Variants in CHAF1A observed in about 807,000 individuals in gnomAD.
CHAF1A encodes CAF-1 subunit A.
In CHAF1A, 5 loss-of-function variants were observed where a neutral mutation model predicts 93.2. That is an observed-to-expected ratio of 0.05 (90% CI 0.03 to 0.11). CHAF1A has a LOEUF of 0.11. Ranked by LOEUF, CHAF1A falls within the 10% of genes least tolerant of loss-of-function variation. The pLI is 1.00. For missense variants in CHAF1A, 1,102 were observed against 1,259.9 expected (o/e 0.87, Z 1.90); for synonymous variants, 504 against 510.3 (o/e 0.99, Z 0.17).
chr19:4,429,819 C>CA (rs1258955101), intron 10 of CHAF1A, 31 bp downstream of exon 10: 1 of 1,571,966 alleles, frequency 6.4e-7, no homozygotes, highest in Non-Finnish European at 8.7e-7. Flanking sequence ...TCTTCACTCA[C>CA]AGACGGCTTG....
In CHAF1A at chr19:4,408,808, C is replaced by G. The variant is rs988357165; in HGVS notation, c.104-95C>G. On this transcript the variant is annotated intron_variant, in intron 2 of 14. Coordinates refer to ENST00000301280, the MANE Select transcript of CHAF1A (RefSeq NM_005483.3). Reference sequence around the variant, plus strand: ...CCTTTTTAAACTTTAAAATTATCTCCCACCCCCATGTCCCAACAAATCAGT... The same window carrying G: ...CCTTTTTAAACTTTAAAATTATCTCGCACCCCCATGTCCCAACAAATCAGT... The G allele has an allele frequency of 1.1e-5, 16 of 1,446,170 alleles. No homozygotes were observed. In the African/African-American group the frequency reaches 1.3e-4, roughly 12 times the overall value. The allele number at this position is 1,446,170 out of a possible 1,614,324, so 89.6% of individuals were successfully genotyped here. A position where few individuals can be genotyped will look rare whatever the true frequency, so the allele number is the denominator to read the frequency against.
At chr19:4,407,591 A>AATGTCTCTTGAAATTCTGGCG (rs1973703733) in intron 2 of CHAF1A, among the ~76,000 whole-genome samples, 1 of 152,166 alleles carries the variant, frequency 6.6e-6, no homozygotes, top group Non-Finnish European at 1.5e-5. Context: ...GAAATAAACA[A>AATGTCTCTTGAAATTCTGGCG]ATGTCTCTTG....
chr19:4,415,633 G>A (rs997446145), intron 3 of CHAF1A, among the ~76,000 whole-genome samples: 2 of 152,050 alleles, frequency 1.3e-5, no homozygotes, highest in African/African-American at 4.8e-5. Context: ...TGGTGAGGCT[G>A]CCTCGGGCTG....
At chr19:4,438,810 G>A (rs1201334550) in intron 13 of CHAF1A, among the ~76,000 whole-genome samples, 6 of 151,996 alleles carry the variant, frequency 3.9e-5, no homozygotes, top group African/African-American at 1.5e-4. Flanking sequence ...GGTGAAACCC[G>A]TCTCTACTAA....
At chr19:4,428,165 T>C (rs1008142327) in intron 7 of CHAF1A, among the ~76,000 whole-genome samples, 1 of 150,062 alleles carries the variant, frequency 6.7e-6, no homozygotes, top group African/African-American at 2.5e-5. Context: ...GCCTAATTTT[T>C]GTTTTTAGTA....
downstream of CHAF1A, chr19:4,448,832 C>T (rs558771328): frequency 1.4e-5 from 3 of 210,754 alleles, no homozygotes; most frequent in South Asian, 2.1e-4. Flanking sequence ...GATGGACGTT[C>T]TGGAACCACT....
downstream of CHAF1A, chr19:4,445,777 C>T: frequency 7.8e-7 from 1 of 1,281,690 alleles, no homozygotes; most frequent in Non-Finnish European, 1.1e-6. Context: ...CTGCCCTCTC[C>T]CTCCGGGACT....
At chr19:4,421,817 G>A (rs533665349) in intron 4 of CHAF1A, among the ~76,000 whole-genome samples, 1 of 152,006 alleles carries the variant, frequency 6.6e-6, no homozygotes, top group African/African-American at 2.4e-5. Flanking sequence ...TTGACTGGAG[G>A]CTCCTCCTGG....
chr19:4,449,681 G>A (rs1344418151), downstream of CHAF1A: 2 of 152,278 alleles, frequency 1.3e-5, no homozygotes, highest in African/African-American at 2.4e-5. Flanking sequence ...TACATGCACA[G>A]ACAAGGGACG....
intron 12 of CHAF1A, among the ~76,000 whole-genome samples, chr19:4,432,558 C>A (rs1974204360): frequency 6.6e-6 from 1 of 151,934 alleles, no homozygotes; most frequent in Non-Finnish European, 1.5e-5. Flanking sequence ...CCTAGTGCTT[C>A]GACACCAGCC....
At chr19:4,435,138 T>C (rs1465996325) in intron 13 of CHAF1A, among the ~76,000 whole-genome samples, 1 of 134,434 alleles carries the variant, frequency 7.4e-6, no homozygotes, top group African/African-American at 2.9e-5. Flanking sequence ...TTGCCCGGGC[T>C]GGAGTGCAGT....
In CHAF1A at chr19:4,433,369, G is replaced by A; in HGVS notation, c.2503G>A (p.Val835Met). 1.9e-6 allele frequency: 3 copies of A among 1,613,078 alleles called. No homozygotes were observed. The highest frequency in any genetic ancestry group is 2.5e-6 in the Non-Finnish European group (3 of 1,179,152). Residue 835 changes from valine (V) to methionine (M), a missense_variant, in exon 13 of 15, where the codon GTG (valine) becomes ATG (methionine). Physicochemically the swap from Val to Met is conservative, Grantham distance 21 (BLOSUM62 1). Transcript: ENST00000301280. This position sits in a 1 kb window ranked among gnomAD's most constrained non-coding sequence, Gnocchi z 5.6. Reference sequence around the variant, plus strand: ...GAGCTTCCAGCAGGAGCACCTGCCCGTGCCGTGCCAGTGGAGCTATGTGAC... The same window carrying A: ...GAGCTTCCAGCAGGAGCACCTGCCCATGCCGTGCCAGTGGAGCTATGTGAC... ...LQSFQQEHLP[V>M]PCQWSYVTSV...
chr19:4,431,982 C>A lies in CHAF1A; in HGVS notation c.1978C>A (p.Arg660Ser). The change falls in exon 12 of 15, where the codon CGC (arginine) becomes AGC (serine). Residue 660 changes from arginine to serine, a missense_variant. Physicochemically the swap from Arg to Ser is moderately radical, Grantham distance 110 (BLOSUM62 -1). Transcript: ENST00000301280. ...ECADPENHKV[R>S]QKLKAKEWDE... Reference sequence around the variant, plus strand: ...TGCCGACCCTGAGAACCATAAGGTCCGCCAGAAACTGAAGGCCAAGGAGTG... The same window carrying A: ...TGCCGACCCTGAGAACCATAAGGTCAGCCAGAAACTGAAGGCCAAGGAGTG... The A allele has an allele frequency of 6.2e-7, 1 of 1,612,516 alleles. No individual in the cohort carries two copies. The highest frequency in any genetic ancestry group is 1.1e-5 in the South Asian group (1 of 91,048).
At chr19:4,445,510 C>T, downstream of CHAF1A, 3 of 1,613,934 alleles carry the variant, frequency 1.9e-6, no homozygotes, top group South Asian at 3.3e-5. Flanking sequence ...ACAAGAGCTT[C>T]TCGATGGCTG....
rs537974836 is a variant in CHAF1A at position 4,432,173 on chromosome 19, C to T, written c.2169C>T (p.Pro723=). The change falls in exon 12 of 15, where the codon CCC becomes CCT. Residue 723 remains proline (P), a synonymous_variant. Coordinates refer to ENST00000301280, the MANE Select transcript of CHAF1A (RefSeq NM_005483.3). ...ETLPAQEEQT[P]KASKRERRDE... is the part of the protein sequence containing the mutation. ...TGCCGGCCCAGGAGGAGCAGACGCCCAAGGCCTCCAAGCGGGAGAGGAGAG... is the reference window on the plus strand; with the variant it reads ...TGCCGGCCCAGGAGGAGCAGACGCCTAAGGCCTCCAAGCGGGAGAGGAGAG... The T allele has an allele frequency of 9.1e-5, 147 of 1,611,182 alleles. 1 individual carries two copies. The South Asian group carries it at 1.6e-3, about 17-fold the overall frequency.
intron 1 of CHAF1A, among the ~76,000 whole-genome samples, chr19:4,403,230 A>G (rs1973618383): frequency 7.5e-6 from 1 of 132,734 alleles, no homozygotes; most frequent in Admixed American, 8.2e-5. Context: ...CTCGGGGACC[A>G]GTACCGATGC....
At position 4,411,026 on chromosome 19, in the gene CHAF1A, T is replaced by C. The variant is rs1191053728; in HGVS notation, c.960+1267T>C. 1.3e-5 allele frequency among the ~76,000 whole-genome samples: 2 copies of C among 152,308 alleles called. 1 individual carries two copies. The highest frequency in any genetic ancestry group is 3.9e-4 in the East Asian group (2 of 5,188). ...TTTTATAATTTTTTACTTTTTATCTTAAGTATGTAGAACCAGAAGAGACAG... is the reference window on the plus strand; with the variant it reads ...TTTTATAATTTTTTACTTTTTATCTCAAGTATGTAGAACCAGAAGAGACAG... On this transcript the variant is annotated intron_variant, in intron 3 of 14. Transcript: ENST00000301280.
At chr19:4,438,069 G>C (rs1233198309) in intron 13 of CHAF1A, among the ~76,000 whole-genome samples, 1 of 152,058 alleles carries the variant, frequency 6.6e-6, no homozygotes, top group Non-Finnish European at 1.5e-5. Flanking sequence ...TTAGAAACAG[G>C]GTCTTGCCCT....
At chr19:4,419,029 A>ATTTTTTTTTTTTTTT (rs11406470) in intron 4 of CHAF1A, among the ~76,000 whole-genome samples, 3 of 96,472 alleles carry the variant, frequency 3.1e-5, no homozygotes, top group East Asian at 3.1e-4. Context: ...TAGCCAGCTA[A>ATTTTTTTTTTTTTTT]TTTTTTTTTT....
Sources: allele counts gnomAD v4.1 joint callset (sites outside exome capture counted in the v4.1 genomes callset), GRCh38; gene constraint gnomAD v4.1.1; non-coding constraint Gnocchi (gnomAD v3.1); transcripts MANE v1.5; gene names NCBI Gene and HGNC (gene_info 2026-07-23, HGNC 2026-07-21).